LRTM3: variants seen among roughly 807,000 people sequenced by gnomAD.
The protein encoded by LRTM3 is leucine-rich repeat transmembrane protein 3.
chr13:102,739,493 T>G, the LRTM3 span: 1 of 1,550,376 alleles, frequency 6.5e-7, no homozygotes, highest in African/African-American at 1.4e-5. Flanking sequence ...TGAATTTGAA[T>G]TACTATGTGA....
the LRTM3 span, chr13:102,729,445 G>C: frequency 6.9e-7 from 1 of 1,449,006 alleles, no homozygotes; most frequent in Non-Finnish European, 9.1e-7. Context: ...TTTAGCTATG[G>C]TAATGTCAGC....
chr13:102,739,475 T>C, the LRTM3 span: 2 of 1,550,546 alleles, frequency 1.3e-6, no homozygotes, highest in Non-Finnish European at 1.7e-6. Context: ...TTTACCTGCT[T>C]TTGTTCTTGA....
chr13:102,750,914 G>A, the LRTM3 span, among the ~76,000 whole-genome samples: 1 of 152,134 alleles, frequency 6.6e-6, no homozygotes, highest in Non-Finnish European at 1.5e-5. Flanking sequence ...TGGATGATGT[G>A]AACTTGCCAA....
the LRTM3 span, chr13:102,732,767 T>C: frequency 5.8e-6 from 9 of 1,551,388 alleles, no homozygotes; most frequent in Non-Finnish European, 7.0e-6. Flanking sequence ...TTCTTGCAGA[T>C]GTAAAGCTCT....
chr13:102,738,741 T>G, the LRTM3 span: 1 of 1,550,618 alleles, frequency 6.4e-7, no homozygotes, highest in Non-Finnish European at 8.7e-7. Flanking sequence ...CCTTCTATTG[T>G]GCCCACTTTA....
At chr13:102,758,413 T>C in the LRTM3 span, 4 of 1,530,058 alleles carry the variant, frequency 2.6e-6, no homozygotes, top group Non-Finnish European at 3.5e-6. Context: ...CACATACCTT[T>C]CTCCTGAAGA....
the LRTM3 span, chr13:102,732,106 C>T: frequency 1.3e-6 from 2 of 1,551,336 alleles, no homozygotes; most frequent in East Asian, 4.9e-5. Context: ...TTGTAAAATT[C>T]TGTTCCCCTT....
the LRTM3 span, chr13:102,746,556 T>TG: frequency 6.4e-7 from 1 of 1,550,934 alleles, no homozygotes; most frequent in Admixed American, 2.0e-5. Context: ...CTTGTGACAC[T>TG]GACTGTCTCT....
the LRTM3 span, chr13:102,731,698 G>T: frequency 4.0e-4 from 615 of 1,551,350 alleles, 4 homozygotes; most frequent in Admixed American, 6.1e-4. Context: ...CATTTGTACT[G>T]TCTGCAACTA....
the LRTM3 span, chr13:102,730,861 A>G: frequency 1.9e-6 from 3 of 1,551,450 alleles, no homozygotes; most frequent in Non-Finnish European, 2.6e-6. Flanking sequence ...GATCTATTTG[A>G]TGGAGAGATT....
the LRTM3 span, among the ~76,000 whole-genome samples, chr13:102,755,894 C>CAT: frequency 0.29 from 36,898 of 128,822 alleles, 6,303 homozygotes; most frequent in Admixed American, 0.39. Context: ...TATGTATACA[C>CAT]ATATATATGT....
At chr13:102,740,353 T>C in the LRTM3 span, 1 of 1,550,194 alleles carries the variant, frequency 6.5e-7, no homozygotes, top group Middle Eastern at 1.7e-4. Context: ...TTATAGTGCT[T>C]AGCTGATCTG....
chr13:102,734,020 T>G, the LRTM3 span: 1 of 1,551,276 alleles, frequency 6.4e-7, no homozygotes, highest in Non-Finnish European at 8.7e-7. Flanking sequence ...AAAGAGGAGG[T>G]GCTGACGGTA....
chr13:102,736,023 C>T, the LRTM3 span: 98 of 1,549,458 alleles, frequency 6.3e-5, no homozygotes, highest in Non-Finnish European at 8.1e-5. Context: ...ATTCTACCTT[C>T]CCTGCCTTCT....
At chr13:102,740,334 TA>T in the LRTM3 span, 1 of 1,550,294 alleles carries the variant, frequency 6.5e-7, no homozygotes, top group Non-Finnish European at 8.7e-7. Context: ...CATTCTAGTC[TA>T]TTCTTAGTTA....
chr13:102,737,565 TC>T, the LRTM3 span: 2 of 1,550,858 alleles, frequency 1.3e-6, no homozygotes, highest in Middle Eastern at 1.7e-4. Context: ...CCATCCCTTT[TC>T]CCTGGCTCTT....
At chr13:102,745,081 T>C in the LRTM3 span, 2 of 1,550,922 alleles carry the variant, frequency 1.3e-6, no homozygotes, top group Non-Finnish European at 1.7e-6. Flanking sequence ...GTATTGGCTC[T>C]GCAGGCTGAA....
chr13:102,749,520 C>A, the LRTM3 span: 4 of 1,551,422 alleles, frequency 2.6e-6, no homozygotes, highest in Non-Finnish European at 3.5e-6. Context: ...TGGTCCTCAC[C>A]TAAGTGTTCA....
the LRTM3 span, chr13:102,735,683 A>C: frequency 4.5e-6 from 7 of 1,551,040 alleles, no homozygotes; most frequent in Non-Finnish European, 5.2e-6. Context: ...TGTGGGTTGC[A>C]CTGGTCCTTT....
Sources: gnomAD v4.1 joint callset for allele counts (sites outside exome capture counted in the v4.1 genomes callset) on GRCh38, gnomAD v4.1.1 for gene constraint, MANE v1.5 for transcripts, NCBI Gene and HGNC (gene_info 2026-07-23, HGNC 2026-07-21) for gene names.